RBPMS2: variants seen among roughly 807,000 people sequenced by gnomAD.
The protein encoded by RBPMS2 is RNA-binding protein with multiple splicing 2.
Under a neutral mutation model 25.7 loss-of-function variants are expected in RBPMS2, and 14 were observed. The observed-to-expected ratio is 0.55, with a 90% confidence interval of 0.36 to 0.85. The LOEUF is 0.85. RBPMS2 is among the 40% of genes least tolerant of loss of function. RBPMS2 has a pLI of 0.01. For synonymous variants in RBPMS2, 127 were observed against 115.6 expected (o/e 1.10, Z -0.63); for missense variants, 252 against 283.4 (o/e 0.89, Z 0.80).
chr15:64,751,277 G>A (rs1197690070), intron 2 of RBPMS2, among the ~76,000 whole-genome samples: 1 of 151,574 alleles, frequency 6.6e-6, no homozygotes, highest in Non-Finnish European at 1.5e-5. Flanking sequence ...CGGTTGCAGT[G>A]AGCCGAGATC....
rs1025816179 is a variant in RBPMS2, at chr15:64,751,501, C to A, written c.165+60G>T. 10 of 1,458,308 alleles carry A rather than the reference C, an allele frequency of 6.9e-6. No individual in the cohort carries two copies. The Admixed American group carries it at 8.4e-5, about 12-fold the overall frequency. The allele number at this position is 1,458,308 out of a possible 1,614,324, so 90.3% of individuals were successfully genotyped here. On this transcript the variant is annotated intron_variant, in intron 2 of 7. Transcript: ENST00000300069. ...GCTGCCCTGCCCGACCCGAGATTCA[C>A]TCCCGCTGCTTCTCCAGGGTCCCAG...
intron 2 of RBPMS2, among the ~76,000 whole-genome samples, chr15:64,750,971 G>A (rs1359370264): frequency 6.6e-6 from 1 of 151,986 alleles, no homozygotes; most frequent in African/African-American, 2.4e-5. Flanking sequence ...CCAGGAGGCG[G>A]AGGTTGCAGT....
chr15:64,769,757 C>G (rs898141341), intron 1 of RBPMS2, among the ~76,000 whole-genome samples: 1 of 152,146 alleles, frequency 6.6e-6, no homozygotes. Context: ...GATAAAAGGC[C>G]CCTCCTGGCA....
Position 64,775,462 on chromosome 15 carries a change from G to A in RBPMS2, c.-143C>T, listed in dbSNP as rs1595798978. 3.9e-6 allele frequency: 1 copy of A among 255,044 alleles called. No individual in the cohort carries two copies. Among genetic ancestry groups the A allele is most frequent in the African/African-American group, 2.3e-5 (1 of 42,568 alleles). The allele number at this position is 255,044 out of a possible 1,614,324, so 15.8% of individuals were successfully genotyped here. A position where few individuals can be genotyped will look rare whatever the true frequency, so the allele number is the denominator to read the frequency against. On this transcript the variant is annotated 5_prime_UTR_variant, in exon 1 of 8. Coordinates refer to ENST00000300069, the MANE Select transcript of RBPMS2 (RefSeq NM_194272.3). ...GACCCACGGGGCAGTGAGAGGGGCAGCCTCCGCGTCGGGCCAGGGTCACAT... is the reference window on the plus strand; with the variant it reads ...GACCCACGGGGCAGTGAGAGGGGCAACCTCCGCGTCGGGCCAGGGTCACAT...
chr15:64,763,431 G>A (rs889659193), intron 1 of RBPMS2, among the ~76,000 whole-genome samples: 2 of 152,156 alleles, frequency 1.3e-5, no homozygotes, highest in Non-Finnish European at 2.9e-5. Context: ...TGGCCCCAGA[G>A]TTTACCAGTG....
intron 1 of RBPMS2, among the ~76,000 whole-genome samples, chr15:64,766,750 C>T (rs2083850079): frequency 6.6e-6 from 1 of 151,884 alleles, no homozygotes; most frequent in Non-Finnish European, 1.5e-5. Context: ...AGGATGGTCT[C>T]GATCTCCTAA....
intron 1 of RBPMS2, among the ~76,000 whole-genome samples, chr15:64,773,463 G>C (rs957358042): frequency 2.6e-5 from 4 of 152,222 alleles, no homozygotes; most frequent in Non-Finnish European, 1.5e-5. Context: ...CCATAGGGCC[G>C]CAGGCCATCT....
intron 1 of RBPMS2, among the ~76,000 whole-genome samples, chr15:64,760,454 G>A (rs1224920004): frequency 1.3e-5 from 2 of 152,172 alleles, no homozygotes; most frequent in African/African-American, 4.8e-5. Context: ...AAAAACAGTG[G>A]TAGGCTCAGG....
chr15:64,760,996 C>T (rs531331615), intron 1 of RBPMS2: 2 of 151,088 alleles, frequency 1.3e-5, no homozygotes, highest in African/African-American at 4.9e-5. Flanking sequence ...AAAAGACACC[C>T]CAGGAAAATC....
Position 64,769,730 on chromosome 15 carries a change from C to T in RBPMS2, c.87+5503G>A, listed in dbSNP as rs538702540. Among the ~76,000 whole-genome samples the T allele has an allele frequency of 2.6e-5, 4 of 152,252 alleles. No homozygotes were observed. The East Asian group carries it at 7.7e-4, about 29-fold the overall frequency. ...GTTTATTATCTTCGTGCAATGGCAACTCTAAATCATATCTGTGATAAAAGG... is the reference window on the plus strand; with the variant it reads ...GTTTATTATCTTCGTGCAATGGCAATTCTAAATCATATCTGTGATAAAAGG... On this transcript the variant is annotated intron_variant, in intron 1 of 7. Coordinates refer to ENST00000300069, the MANE Select transcript of RBPMS2 (RefSeq NM_194272.3).
intron 1 of RBPMS2, among the ~76,000 whole-genome samples, chr15:64,760,306 C>T (rs948905676): frequency 3.3e-5 from 5 of 152,212 alleles, no homozygotes; most frequent in African/African-American, 9.6e-5. Context: ...TCACCAGAAG[C>T]GTGTCTCCCT....
At chr15:64,773,981 T>A (rs1256012894) in intron 1 of RBPMS2, among the ~76,000 whole-genome samples, 1 of 152,254 alleles carries the variant, frequency 6.6e-6, no homozygotes, top group East Asian at 1.9e-4. Flanking sequence ...AGTTGTATAT[T>A]CTTCCCTTCC....
In RBPMS2 at chr15:64,775,327, G is replaced by A. The variant is rs780534430; in HGVS notation, c.-8C>T. On this transcript the variant is annotated 5_prime_UTR_variant, in exon 1 of 8. Coordinates refer to ENST00000300069, the MANE Select transcript of RBPMS2 (RefSeq NM_194272.3). ...CGGCTTCAGGTTGCTCATGGTGCGGGGGAGGGGGCGGCGGGAAGGAACGCG... is the reference window on the plus strand; with the variant it reads ...CGGCTTCAGGTTGCTCATGGTGCGGAGGAGGGGGCGGCGGGAAGGAACGCG... The A allele has an allele frequency of 3.1e-6, 4 of 1,287,066 alleles. No homozygotes were observed. Among genetic ancestry groups the A allele is most frequent in the Non-Finnish European group, 4.0e-6 (4 of 1,011,544 alleles). The allele number at this position is 1,287,066 out of a possible 1,614,324, so 79.7% of individuals were successfully genotyped here.
chr15:64,772,551 C>G (rs2083899753), intron 1 of RBPMS2, among the ~76,000 whole-genome samples: 1 of 152,208 alleles, frequency 6.6e-6, no homozygotes, highest in Non-Finnish European at 1.5e-5. Context: ...TATGGCTGCA[C>G]TGCCTGATAT....
At position 64,740,450 on chromosome 15, in the gene RBPMS2, T is replaced by G. The variant is rs2083549447; in HGVS notation, c.*558A>C. ...AAGCAAACCCCATCTATCTGTTGGG[T>G]GGAGGTGGGAGCTGAGCCTGGAAGC... On this transcript the variant is annotated 3_prime_UTR_variant, in exon 8 of 8. Transcript: ENST00000300069. 7.0e-6 allele frequency: 1 copy of G among 142,722 alleles called. No homozygotes were observed. Among genetic ancestry groups the G allele is most frequent in the Non-Finnish European group, 1.5e-5 (1 of 65,946 alleles). 8.8% of individuals were successfully genotyped at this position (142,722 alleles called of 1,614,324 possible).
intron 5 of RBPMS2, 87 bp from the exon 6 acceptor site, chr15:64,748,654 A>G (rs2083643082): frequency 1.4e-6 from 2 of 1,464,078 alleles, no homozygotes; most frequent in South Asian, 2.8e-5. Context: ...TGGTTGAGCC[A>G]TATGCCCCAC....
At chr15:64,757,577 T>C (rs891395639) in intron 1 of RBPMS2, among the ~76,000 whole-genome samples, 2 of 152,052 alleles carry the variant, frequency 1.3e-5, no homozygotes, top group South Asian at 2.1e-4. Context: ...CTTCGTTTTA[T>C]AGATGGGGAA....
At chr15:64,741,860 A>G (rs2083565230) in intron 6 of RBPMS2, among the ~76,000 whole-genome samples, 1 of 151,982 alleles carries the variant, frequency 6.6e-6, no homozygotes, top group Non-Finnish European at 1.5e-5. Context: ...ATAGGGAGAT[A>G]ATGTCTCTAT....
In RBPMS2 at chr15:64,775,289, C is replaced by A; in HGVS notation, c.31G>T (p.Gly11Cys). 2 of 1,353,236 alleles carry A rather than the reference C, an allele frequency of 1.5e-6. No individual in the cohort carries two copies. The highest frequency in any genetic ancestry group is 1.9e-6 in the Non-Finnish European group (2 of 1,045,746). The allele number at this position is 1,353,236 out of a possible 1,614,324, so 83.8% of individuals were successfully genotyped here. A position where few individuals can be genotyped will look rare whatever the true frequency, so the allele number is the denominator to read the frequency against. The stretch of plus-strand genomic sequence containing the variant: ...CCGGAGCCGGTGCCGGTGCTGCCGC[C>A]GTGCTCGCCGTCCGGCTTCAGGTTG... MSNLKPDGEH[G>C]GSTGTGSGAG... Residue 11 changes from glycine to cysteine, a missense_variant, in exon 1 of 8, where the codon GGC (glycine) becomes TGC (cysteine). Gly to Cys is a radical substitution (Grantham distance 159). Coordinates refer to ENST00000300069, the MANE Select transcript of RBPMS2 (RefSeq NM_194272.3).
Sources: gnomAD v4.1 joint callset for allele counts (sites outside exome capture counted in the v4.1 genomes callset) on GRCh38, gnomAD v4.1.1 for gene constraint, MANE v1.5 for transcripts, NCBI Gene and HGNC (gene_info 2026-07-23, HGNC 2026-07-21) for gene names.